The following POU2AF1 variants were observed in gnomAD, a reference collection of about 807,000 sequenced individuals.
POU2AF1 encodes POU domain class 2-associating factor 1.
In POU2AF1, 12 loss-of-function variants were observed where a neutral mutation model predicts 26.3. The observed-to-expected ratio is 0.46, with a 90% CI of 0.29 to 0.74. The LOEUF (loss-of-function observed/expected upper bound fraction) is 0.74, where lower values mean the gene tolerates loss of function less well. Among genes scored for constraint, POU2AF1 ranks in the 30% least tolerant of loss-of-function variants. POU2AF1 has a pLI of 0.09. For missense variants in POU2AF1, 297 were observed against 334.5 expected, an observed-to-expected ratio of 0.89 and a Z score of 0.87; for synonymous variants, 175 against 148.0, an observed-to-expected ratio of 1.18 and a Z score of -1.32.
intron 1 of POU2AF1, among the ~76,000 whole-genome samples, chr11:111,364,481 G>A (rs1245626735): frequency 1.3e-5 from 2 of 152,216 alleles, no homozygotes; most frequent in Non-Finnish European, 2.9e-5. Context: ...AGACCCTCCT[G>A]ATGGCTCTGA....
At chr11:111,362,712 G>A (rs17112663) in intron 1 of POU2AF1, among the ~76,000 whole-genome samples, 5,178 of 152,284 alleles carry the variant, frequency 0.034, 120 homozygotes, top group Middle Eastern at 0.14. Context: ...TAGGCATAAA[G>A]TACAGTCTGA....
chr11:111,358,548 A>C (rs1211159915), intron 2 of POU2AF1, among the ~76,000 whole-genome samples: 1 of 150,536 alleles, frequency 6.6e-6, no homozygotes, highest in Admixed American at 6.6e-5. Context: ...ACAAACACAT[A>C]CACACTCACA....
chr11:111,352,901 C>G lies in POU2AF1; in HGVS notation c.*1360G>C, dbSNP rs373530594. ...TGAGCCAAGATCGCACCATTGTACT[C>G]CAGCCTGGGCAATGGAGTGAGACTC... On this transcript the variant is annotated 3_prime_UTR_variant, in exon 5 of 5. Coordinates refer to ENST00000393067, the MANE Select transcript of POU2AF1 (RefSeq NM_006235.3). 7.9e-5 allele frequency: 14 copies of G among 177,066 alleles called. No homozygotes were observed. In the South Asian group the frequency reaches 1.0e-3, roughly 13 times the overall value. 11.0% of individuals were successfully genotyped at this position (177,066 alleles called of 1,614,324 possible). A position where few individuals can be genotyped will look rare whatever the true frequency, so the allele number is the denominator to read the frequency against.
At position 111,357,888 on chromosome 11, in the gene POU2AF1, G is replaced by A. The variant is rs779410130; in HGVS notation, c.148-51C>T. Reference sequence around the variant, plus strand: ...GTCAATGTTTAGCCCTCGTCAACCGGCCCTGTGCAGAGAACTTGCCCAGAG... The same window carrying A: ...GTCAATGTTTAGCCCTCGTCAACCGACCCTGTGCAGAGAACTTGCCCAGAG... On this transcript the variant is annotated intron_variant, in intron 2 of 4. Coordinates refer to ENST00000393067, the MANE Select transcript of POU2AF1 (RefSeq NM_006235.3). 3.3e-6 allele frequency: 5 copies of A among 1,528,198 alleles called. No individual in the cohort carries two copies. In the African/African-American group the frequency reaches 5.6e-5, roughly 17 times the overall value. 94.7% of individuals were successfully genotyped at this position (1,528,198 alleles called of 1,614,324 possible).
chr11:111,367,517 AGCCCAG>A (rs544429122), intron 1 of POU2AF1, among the ~76,000 whole-genome samples: 5 of 151,468 alleles, frequency 3.3e-5, no homozygotes, highest in Non-Finnish European at 7.4e-5. Context: ...TCCTCAACCA[AGCCCAG>A]GACCTGTGAT....
At chr11:111,371,248 T>C (rs1459922259) in intron 1 of POU2AF1, among the ~76,000 whole-genome samples, 2 of 152,184 alleles carry the variant, frequency 1.3e-5, no homozygotes, top group African/African-American at 4.8e-5. Context: ...TGAGAATGAT[T>C]CTGGTTTATA....
chr11:111,359,268 T>C, intron 1 of POU2AF1: 1 of 291,430 alleles, frequency 3.4e-6, no homozygotes, highest in East Asian at 8.5e-5. Flanking sequence ...CCTGCGTGTC[T>C]CACCTCCTCA....
At chr11:111,363,524 A>G (rs557304794) in intron 1 of POU2AF1, 29 of 986,558 alleles carry the variant, frequency 2.9e-5, no homozygotes, top group Non-Finnish European at 3.5e-5. Context: ...CCACAAATAC[A>G]AATTTGGGAG....
intron 1 of POU2AF1, among the ~76,000 whole-genome samples, chr11:111,376,898 C>T (rs1861319452): frequency 6.6e-6 from 1 of 152,092 alleles, no homozygotes; most frequent in Non-Finnish European, 1.5e-5. Context: ...CAGGGTCTCT[C>T]CTACTTTTCC....
chr11:111,354,619 GACCC>G (rs1860807934), intron 4 of POU2AF1, 44 bp from the exon 5 acceptor site: 40 of 1,456,450 alleles, frequency 2.7e-5, no homozygotes, highest in Non-Finnish European at 3.6e-5. Context: ...AGCCCCAGGA[GACCC>G]ATCCACCCAT....
chr11:111,361,623 G>C (rs1815948), intron 1 of POU2AF1, among the ~76,000 whole-genome samples: 5,808 of 152,188 alleles, frequency 0.038, 364 homozygotes, highest in African/African-American at 0.13. Flanking sequence ...CTTTCGGGGG[G>C]ATATTATCAT....
intron 1 of POU2AF1, 103 bp downstream of exon 1, chr11:111,379,058 GC>G: frequency 7.3e-7 from 1 of 1,360,956 alleles, no homozygotes. Flanking sequence ...TCCCCCCGTG[GC>G]CCCATCACCT....
chr11:111,358,719 C>T, intron 2 of POU2AF1, 69 bp downstream of exon 2: 1 of 1,514,340 alleles, frequency 6.6e-7, no homozygotes, highest in Non-Finnish European at 8.9e-7. Context: ...TACACTCTCA[C>T]ACTATCCCTG....
At chr11:111,379,049 C>T (rs1327844546) in intron 1 of POU2AF1, 113 bp downstream of exon 1, 1 of 1,284,924 alleles carries the variant, frequency 7.8e-7, no homozygotes, top group Non-Finnish European at 1.1e-6. Context: ...CAGACCCCCT[C>T]CCCCCGTGGC....
At chr11:111,368,885 C>A (rs573114091) in intron 1 of POU2AF1, among the ~76,000 whole-genome samples, 1 of 152,244 alleles carries the variant, frequency 6.6e-6, no homozygotes. Context: ...GAGCTCCCAA[C>A]AAATAGCCCT....
intron 1 of POU2AF1, chr11:111,359,269 C>T: frequency 3.4e-6 from 1 of 291,902 alleles, no homozygotes; most frequent in Non-Finnish European, 6.4e-6. Context: ...CTGCGTGTCT[C>T]ACCTCCTCAT....
chr11:111,367,577 G>C (rs1290438699), intron 1 of POU2AF1, among the ~76,000 whole-genome samples: 1 of 151,450 alleles, frequency 6.6e-6, no homozygotes, highest in Non-Finnish European at 1.5e-5. Flanking sequence ...CCTTGTCTCT[G>C]CCCGAGCAAG....
intron 1 of POU2AF1, among the ~76,000 whole-genome samples, chr11:111,368,837 T>C (rs940302955): frequency 2.6e-5 from 4 of 152,234 alleles, no homozygotes; most frequent in African/African-American, 9.6e-5. Context: ...TCATGAGAAC[T>C]GTATGAGATT....
chr11:111,352,989 G>GGAAGGAAA lies in POU2AF1; in HGVS notation c.*1271_*1272insTTTCCTTC, dbSNP rs1491282660. On this transcript the variant is annotated 3_prime_UTR_variant, in exon 5 of 5. Transcript: ENST00000393067. ...AGGAAGGAAGGAAGGAAGGAAGGAAGGAAAGAAGGAAGGAAGGAAGGAAGG... is the reference window on the plus strand; with the variant it reads ...AGGAAGGAAGGAAGGAAGGAAGGAAGGAAGGAAAGAAAGAAGGAAGGAAGGAAGGAAGG... 1 of 66,800 alleles carries GGAAGGAAA rather than the reference G, an allele frequency of 1.5e-5. No individual in the cohort carries two copies. The highest frequency in any genetic ancestry group is 4.8e-5 in the African/African-American group (1 of 20,768). The allele number at this position is 66,800 out of a possible 1,614,324, so 4.1% of individuals were successfully genotyped here.
Sources: gnomAD v4.1 joint callset for allele counts (sites outside exome capture counted in the v4.1 genomes callset) on GRCh38, gnomAD v4.1.1 for gene constraint, MANE v1.5 for transcripts, NCBI Gene and HGNC (gene_info 2026-07-23, HGNC 2026-07-21) for gene names.